The following RAB5A variants were observed in gnomAD, a reference collection of about 807,000 sequenced individuals.
RAB5A encodes the protein RAB5A, member RAS oncogene family.
In RAB5A, 8 loss-of-function variants were observed where a neutral mutation model predicts 25.7. The ratio of observed to expected loss-of-function variants is 0.31; its 90% CI spans 0.18 to 0.56. The LOEUF (loss-of-function observed/expected upper bound fraction) is 0.56. Among genes scored for constraint, RAB5A ranks in the 20% least tolerant of loss-of-function variants. The probability of loss-of-function intolerance (pLI) is 0.91; values close to 1 mark genes in which losing one functional copy is unlikely to be tolerated. For synonymous variants in RAB5A, 98 were observed against 89.8 expected (o/e 1.09, Z -0.52); for missense variants, 192 against 259.7 (o/e 0.74, Z 1.79).
intron 2 of RAB5A, among the ~76,000 whole-genome samples, chr3:19,957,594 C>T (rs1446348407): frequency 6.6e-6 from 1 of 151,612 alleles, no homozygotes; most frequent in African/African-American, 2.4e-5. Flanking sequence ...ACCTGGGAGG[C>T]AGAGGTTGCA....
At chr3:19,955,766 C>G (rs1266322054) in intron 2 of RAB5A, among the ~76,000 whole-genome samples, 1 of 152,066 alleles carries the variant, frequency 6.6e-6, no homozygotes, top group Non-Finnish European at 1.5e-5. Flanking sequence ...TGGCGTGCGC[C>G]TGTAGTCCCA....
At chr3:19,975,435 C>G (rs1378156058) in intron 2 of RAB5A, 166 bp from the exon 3 acceptor site, 1 of 584,584 alleles carries the variant, frequency 1.7e-6, no homozygotes, top group Admixed American at 3.7e-5. Context: ...TAGGTGTTTT[C>G]TTTTTTTTTC....
At position 19,950,798 on chromosome 3, in the gene RAB5A, CT is replaced by C; in HGVS notation, c.-93-5del. On this transcript the variant is annotated splice_region_variant and splice_polypyrimidine_tract_variant and intron_variant, in intron 1 of 5. Coordinates refer to ENST00000273047, the MANE Select transcript of RAB5A (RefSeq NM_004162.5). ...TTGTATATTTAATTCATAATTGTTT[CT>C]TTACAGGTTTCTTTACCTCCAGAAA... 8.5e-7 allele frequency: 1 copy of C among 1,171,420 alleles called. No individual in the cohort carries two copies. 72.6% of individuals were successfully genotyped at this position (1,171,420 alleles called of 1,614,324 possible). A position where few individuals can be genotyped will look rare whatever the true frequency, so the allele number is the denominator to read the frequency against.
intron 5 of RAB5A, among the ~76,000 whole-genome samples, chr3:19,982,456 A>G (rs553779020): frequency 1.3e-5 from 2 of 152,332 alleles, no homozygotes; most frequent in East Asian, 1.9e-4. Context: ...TGCCCAAAGC[A>G]TAGATTATAA....
intron 2 of RAB5A, among the ~76,000 whole-genome samples, chr3:19,958,731 C>T (rs972295381): frequency 1.3e-5 from 2 of 152,140 alleles, no homozygotes; most frequent in South Asian, 2.1e-4. Context: ...GTAATCCCAG[C>T]TATTGAGGCA....
chr3:19,983,345 CAAAA>C (rs34872300), intron 5 of RAB5A, among the ~76,000 whole-genome samples: 5 of 92,114 alleles, frequency 5.4e-5, no homozygotes, highest in African/African-American at 8.2e-5. Flanking sequence ...GACTACATCT[CAAAA>C]AAAAAAAAAA....
At position 19,969,044 on chromosome 3, in the gene RAB5A, G is replaced by GTTTTTTTTTTTTTTT. The variant is rs746635502; in HGVS notation, c.164-6557_164-6556insTTTTTTTTTTTTTTT. Among the ~76,000 whole-genome samples the GTTTTTTTTTTTTTTT allele has an allele frequency of 1.5e-3, 96 of 65,530 alleles. 2 individuals carry two copies. The highest frequency in any genetic ancestry group is 2.0e-3 in the Non-Finnish European group (77 of 37,604). 43.0% of individuals were successfully genotyped at this position (65,530 alleles called of 152,430 possible). ...TTTTTGGTTTTGGTTTTTTTTTTTT[G>GTTTTTTTTTTTTTTT]GTTTTTTTTTTTTTTTTGAGATGGA... is the stretch of plus-strand genomic sequence containing the variant. On this transcript the variant is annotated intron_variant, in intron 2 of 5. Coordinates refer to ENST00000273047, the MANE Select transcript of RAB5A (RefSeq NM_004162.5).
intron 2 of RAB5A, among the ~76,000 whole-genome samples, chr3:19,973,690 A>G (rs1696783236): frequency 6.6e-6 from 1 of 152,192 alleles, no homozygotes; most frequent in African/African-American, 2.4e-5. Flanking sequence ...GATTAATGAG[A>G]ATTCATAAAA....
At chr3:19,979,190 T>A (rs563084022) in intron 5 of RAB5A, among the ~76,000 whole-genome samples, 1 of 152,210 alleles carries the variant, frequency 6.6e-6, no homozygotes, top group South Asian at 2.1e-4. Flanking sequence ...TTGGTCAGGC[T>A]GGTCTCGAAC....
At chr3:19,950,633 T>G (rs1158535467) in intron 1 of RAB5A, among the ~76,000 whole-genome samples, 173 bp from the exon 2 acceptor site, 1 of 152,204 alleles carries the variant, frequency 6.6e-6, no homozygotes, top group Non-Finnish European at 1.5e-5. Context: ...AAAGTAATTT[T>G]GGACTCACAT....
rs77924237 is a variant in RAB5A, at chr3:19,960,138, C to T, written c.163+9077C>T. On this transcript the variant is annotated intron_variant, in intron 2 of 5. Transcript: ENST00000273047. The stretch of plus-strand genomic sequence containing the variant: ...TTTCTCCCTTTTTTAGGTCATATAC[C>T]ATAATAACCTGACATTGCATATACA... Among the ~76,000 whole-genome samples the T allele has an allele frequency of 6.2e-3, 947 of 152,082 alleles. 10 individuals carry two copies. The highest frequency in any genetic ancestry group is 0.021 in the African/African-American group (860 of 41,482).
At chr3:19,955,269 CTAAAGTT>C (rs1696483361) in intron 2 of RAB5A, among the ~76,000 whole-genome samples, 1 of 152,058 alleles carries the variant, frequency 6.6e-6, no homozygotes, top group African/African-American at 2.4e-5. Context: ...GTTATAAACT[CTAAAGTT>C]TAGATGATGG....
intron 2 of RAB5A, 85 bp downstream of exon 2, chr3:19,951,146 A>G (rs1215715891): frequency 3.4e-6 from 5 of 1,465,114 alleles, no homozygotes; most frequent in South Asian, 1.3e-5. Context: ...TGTGATTATG[A>G]ATAGCTAAAT....
chr3:19,972,836 T>C (rs137936934), intron 2 of RAB5A, among the ~76,000 whole-genome samples: 24 of 152,290 alleles, frequency 1.6e-4, no homozygotes, highest in Non-Finnish European at 2.8e-4. Flanking sequence ...GCCTCTTGTG[T>C]CTTTAACTGG....
intron 2 of RAB5A, among the ~76,000 whole-genome samples, chr3:19,957,517 G>A (rs527353397): frequency 6.7e-6 from 1 of 150,134 alleles, no homozygotes; most frequent in East Asian, 1.9e-4. Context: ...GCAAACATTA[G>A]CTGGGCGTGG....
chr3:19,983,700 T>G lies in RAB5A; in HGVS notation c.533-8T>G. 6.5e-7 allele frequency: 1 copy of G among 1,547,096 alleles called. No homozygotes were observed. The highest frequency in any genetic ancestry group is 8.9e-7 in the Non-Finnish European group (1 of 1,124,020). On this transcript the variant is annotated splice_polypyrimidine_tract_variant and splice_region_variant and intron_variant, in intron 5 of 5. Coordinates refer to ENST00000273047, the MANE Select transcript of RAB5A (RefSeq NM_004162.5). ...AAATATTCTATTTATTTGATCATTT[T>G]CTTTCAGCTAAAAAATTGCCAAAGA...
In RAB5A at chr3:19,983,688, A is replaced by T. The variant is rs763564987; in HGVS notation, c.533-20A>T. 3 of 1,472,072 alleles carry T rather than the reference A, an allele frequency of 2.0e-6. No individual in the cohort carries two copies. Among genetic ancestry groups the T allele is most frequent in the South Asian group, 1.2e-5 (1 of 85,214 alleles). The allele number at this position is 1,472,072 out of a possible 1,614,324, so 91.2% of individuals were successfully genotyped here. A position where few individuals can be genotyped will look rare whatever the true frequency, so the allele number is the denominator to read the frequency against. On this transcript the variant is annotated intron_variant, in intron 5 of 5. Coordinates refer to ENST00000273047, the MANE Select transcript of RAB5A (RefSeq NM_004162.5). ...ATATGAGTATTCAAATATTCTATTT[A>T]TTTGATCATTTTCTTTCAGCTAAAA...
chr3:19,954,041 A>C (rs796757285), intron 2 of RAB5A, among the ~76,000 whole-genome samples: 3 of 151,886 alleles, frequency 2.0e-5, no homozygotes, highest in Non-Finnish European at 2.9e-5. Context: ...TTGAGACGGA[A>C]TTTCACTACG....
At chr3:19,968,468 T>G (rs990302826) in intron 2 of RAB5A, among the ~76,000 whole-genome samples, 1 of 152,226 alleles carries the variant, frequency 6.6e-6, no homozygotes, top group African/African-American at 2.4e-5. Flanking sequence ...GTTACTTTAC[T>G]TCTGATTCTT....
Sources: gnomAD v4.1 joint callset for allele counts (sites outside exome capture counted in the v4.1 genomes callset) on GRCh38, gnomAD v4.1.1 for gene constraint, MANE v1.5 for transcripts, NCBI Gene and HGNC (gene_info 2026-07-23, HGNC 2026-07-21) for gene names.